The following PCDH15 variants were observed in gnomAD, a reference collection of about 807,000 sequenced individuals.
PCDH15 encodes the protein protocadherin-15.
In PCDH15, 129 loss-of-function variants were observed where a neutral mutation model predicts 178.5. The ratio of observed to expected loss-of-function variants is 0.72; its 90% CI spans 0.63 to 0.84. The LOEUF (loss-of-function observed/expected upper bound fraction) is 0.84, where lower values mean the gene tolerates loss of function less well. Among genes scored for constraint, PCDH15 ranks in the 40% least tolerant of loss-of-function variants. The pLI is 0.00. For missense variants in PCDH15, 2,230 were observed against 2,099.9 expected (o/e 1.06, Z -1.21); for synonymous variants, 800 against 732.0 (o/e 1.09, Z -1.50).
chr10:55,102,010 T>C (rs1471064795), intron 2 of PCDH15, among the ~76,000 whole-genome samples: 1 of 151,984 alleles, frequency 6.6e-6, no homozygotes, highest in Non-Finnish European at 1.5e-5. Flanking sequence ...GTTGCTTTTC[T>C]ATTCTTTTAA....
At chr10:54,840,054 A>G (rs990497218) in intron 3 of PCDH15, among the ~76,000 whole-genome samples, 1 of 152,110 alleles carries the variant, frequency 6.6e-6, no homozygotes, top group Non-Finnish European at 1.5e-5. Context: ...ATAAATGCCA[A>G]AAGAATTCTC....
At chr10:53,994,891 T>C (rs1483143907) in intron 21 of PCDH15, 1 of 152,104 alleles carries the variant, frequency 6.6e-6, no homozygotes. Flanking sequence ...AAATCACTTA[T>C]AAGATTCAGG....
intron 14 of PCDH15, among the ~76,000 whole-genome samples, chr10:54,148,317 G>T (rs2044185944): frequency 6.6e-6 from 1 of 151,916 alleles, no homozygotes; most frequent in Admixed American, 6.6e-5. Context: ...AGCCCATAAG[G>T]ATACTAAAAT....
At chr10:54,376,250 G>A (rs1589109539) in intron 4 of PCDH15, among the ~76,000 whole-genome samples, 1 of 151,676 alleles carries the variant, frequency 6.6e-6, no homozygotes, top group Non-Finnish European at 1.5e-5. Flanking sequence ...AAAACTTTGG[G>A]CAACAATCAA....
At chr10:55,149,474 T>C (rs1838635912) in intron 2 of PCDH15, among the ~76,000 whole-genome samples, 1 of 152,062 alleles carries the variant, frequency 6.6e-6, no homozygotes, top group Non-Finnish European at 1.5e-5. Context: ...GTTTTATGCA[T>C]ATTTAACAAA....
At chr10:53,848,621 A>G (rs2078134726) in intron 28 of PCDH15, among the ~76,000 whole-genome samples, 1 of 151,958 alleles carries the variant, frequency 6.6e-6, no homozygotes, top group African/African-American at 2.4e-5. Flanking sequence ...ACTTTTGAAC[A>G]TGAATAACCC....
At chr10:54,007,070 A>G (rs2092410747) in intron 20 of PCDH15, among the ~76,000 whole-genome samples, 1 of 152,230 alleles carries the variant, frequency 6.6e-6, no homozygotes, top group Non-Finnish European at 1.5e-5. Context: ...GCTGCTTAGT[A>G]TAATATATCC....
intron 2 of PCDH15, among the ~76,000 whole-genome samples, chr10:54,575,935 A>G (rs565069297): frequency 1.3e-5 from 2 of 152,312 alleles, no homozygotes; most frequent in South Asian, 2.1e-4. Flanking sequence ...AGTTTTGCCC[A>G]TGGTCATCAA....
At chr10:55,319,590 G>A (rs1843831507) in intron 1 of PCDH15, 2 of 152,166 alleles carry the variant, frequency 1.3e-5, no homozygotes, top group African/African-American at 4.8e-5. Flanking sequence ...CTGGGCTGAA[G>A]CATGGTACCT....
intron 2 of PCDH15, among the ~76,000 whole-genome samples, chr10:55,572,853 G>A (rs1222672487): frequency 1.3e-5 from 2 of 152,010 alleles, no homozygotes; most frequent in African/African-American, 2.4e-5. Flanking sequence ...AACTTGATGT[G>A]GTTTGGGGTA....
chr10:53,980,859 T>G (rs2090580012), intron 21 of PCDH15, among the ~76,000 whole-genome samples: 3 of 152,294 alleles, frequency 2.0e-5, no homozygotes, highest in African/African-American at 7.2e-5. Context: ...TATAAAGGAA[T>G]CAATTTTTTT....
intron 25 of PCDH15, among the ~76,000 whole-genome samples, chr10:53,912,810 G>T (rs980595345): frequency 6.6e-6 from 1 of 152,132 alleles, no homozygotes; most frequent in Non-Finnish European, 1.5e-5. Context: ...ACAAATGGAA[G>T]AACATTCCAT....
intron 2 of PCDH15, among the ~76,000 whole-genome samples, chr10:54,594,399 G>A (rs770128592): frequency 6.6e-6 from 1 of 152,004 alleles, no homozygotes; most frequent in Non-Finnish European, 1.5e-5. Context: ...GATGAGCCAG[G>A]CCCCCTGAGC....
At chr10:55,221,020 CTCA>C (rs1840858385) in intron 1 of PCDH15, among the ~76,000 whole-genome samples, 1 of 152,070 alleles carries the variant, frequency 6.6e-6, no homozygotes, top group Admixed American at 6.5e-5. Flanking sequence ...CACCCAAAGG[CTCA>C]TCATCAGGAT....
At chr10:55,062,787 C>A (rs1407284660) in intron 2 of PCDH15, among the ~76,000 whole-genome samples, 1 of 152,024 alleles carries the variant, frequency 6.6e-6, no homozygotes, top group Admixed American at 6.6e-5. Flanking sequence ...AACATATGTA[C>A]CACTCTAGTG....
At chr10:55,547,289 G>A (rs1040526340) in intron 2 of PCDH15, among the ~76,000 whole-genome samples, 1 of 152,128 alleles carries the variant, frequency 6.6e-6, no homozygotes, top group Non-Finnish European at 1.5e-5. Flanking sequence ...TTCAGAGTGT[G>A]GTGAGAGCAT....
intron 25 of PCDH15, among the ~76,000 whole-genome samples, chr10:53,923,266 A>G (rs1356587522): frequency 6.6e-6 from 1 of 152,212 alleles, no homozygotes; most frequent in Non-Finnish European, 1.5e-5. Context: ...AAGATATTAC[A>G]TAGGGGACTA....
chr10:54,822,164 C>T (rs980978069), intron 3 of PCDH15, among the ~76,000 whole-genome samples: 2 of 152,036 alleles, frequency 1.3e-5, no homozygotes, highest in East Asian at 1.9e-4. Flanking sequence ...GTGTTGGTAA[C>T]ATCTCAAATC....
rs1289426180 is a variant in PCDH15, at chr10:55,277,279, C to CT, written c.-156+42319dup. ...TAAGTTTCTTTGCAACCCAGCCAGT[C>CT]TTTTTTTCAGGTAGTTTATGATTAG... is the stretch of plus-strand genomic sequence containing the variant. On this transcript the variant is annotated intron_variant, in intron 1 of 5. Transcript: ENST00000458638. Among the ~76,000 whole-genome samples the CT allele has an allele frequency of 3.3e-5, 5 of 151,836 alleles. No individual in the cohort carries two copies. In the South Asian group the frequency reaches 8.3e-4, roughly 25 times the overall value.
Sources: allele counts gnomAD v4.1 joint callset (sites outside exome capture counted in the v4.1 genomes callset), GRCh38; gene constraint gnomAD v4.1.1; transcripts MANE v1.5; gene names NCBI Gene and HGNC (gene_info 2026-07-23, HGNC 2026-07-21).